The following DNAAF11 variants were observed in gnomAD, a reference collection of about 807,000 sequenced individuals.
DNAAF11 encodes the protein dynein axonemal assembly factor 11.
In DNAAF11, 45 loss-of-function variants were observed where a neutral mutation model predicts 60.8. The ratio of observed to expected loss-of-function variants is 0.74; its 90% CI spans 0.58 to 0.95. The LOEUF (loss-of-function observed/expected upper bound fraction) is 0.95, where lower values mean the gene tolerates loss of function less well. Among genes scored for constraint, DNAAF11 ranks in the 40% least tolerant of loss-of-function variants. The probability of loss-of-function intolerance (pLI) is 0.00; values close to 1 mark genes in which losing one functional copy is unlikely to be tolerated. For missense variants in DNAAF11, 546 were observed against 546.2 expected, an observed-to-expected ratio of 1.00 and a Z score of 0.00; for synonymous variants, 191 against 183.5, an observed-to-expected ratio of 1.04 and a Z score of -0.33.
intron 10 of DNAAF11, among the ~76,000 whole-genome samples, chr8:132,585,189 T>C (rs958015572): frequency 6.6e-6 from 1 of 152,196 alleles, no homozygotes; most frequent in African/African-American, 2.4e-5. Context: ...TCGGGGAGGT[T>C]TGGGCTCTGA....
chr8:132,654,947 T>C (rs758208306), intron 3 of DNAAF11, among the ~76,000 whole-genome samples: 15 of 151,434 alleles, frequency 9.9e-5, no homozygotes, highest in Non-Finnish European at 1.5e-4. Flanking sequence ...TATAAAACAA[T>C]AGACAAAATC....
intron 1 of DNAAF11, among the ~76,000 whole-genome samples, chr8:132,674,052 CAGG>C (rs1178524524): frequency 2.0e-5 from 2 of 99,244 alleles, no homozygotes; most frequent in Non-Finnish European, 4.2e-5. Flanking sequence ...GCAGAAGGAG[CAGG>C]AGGAGGAGGA....
intron 3 of DNAAF11, among the ~76,000 whole-genome samples, chr8:132,651,446 A>G (rs1193335566): frequency 6.6e-6 from 1 of 152,160 alleles, no homozygotes; most frequent in Non-Finnish European, 1.5e-5. Context: ...GCCAGCAGAT[A>G]GGATGCATTC....
chr8:132,628,577 A>G (rs945973901), intron 5 of DNAAF11, among the ~76,000 whole-genome samples: 3 of 152,058 alleles, frequency 2.0e-5, no homozygotes, highest in Non-Finnish European at 4.4e-5. Flanking sequence ...GTAGATGTTC[A>G]TCTCCCTTTC....
chr8:132,622,642 C>G lies in DNAAF11; in HGVS notation c.883G>C (p.Asp295His). 3 of 1,613,836 alleles carry G rather than the reference C, an allele frequency of 1.9e-6. No individual in the cohort carries two copies. The highest frequency in any genetic ancestry group is 2.5e-6 in the Non-Finnish European group (3 of 1,179,840). The change falls in exon 7 of 12, where the codon GAT (aspartate) becomes CAT (histidine). Residue 295 changes from aspartate to histidine, a missense_variant. Coordinates refer to ENST00000620350, the MANE Select transcript of DNAAF11 (RefSeq NM_012472.6). The part of the protein sequence containing the change: ...VKPPRTLITE[D>H]GKALNVNEPK... ...TCATTCACATTTAGGGCTTTCCCAT[C>G]TTCAGTGATCAAAGTCCTGGGTGGT... is the stretch of plus-strand genomic sequence containing the variant.
intron 1 of DNAAF11, among the ~76,000 whole-genome samples, chr8:132,671,797 T>C (rs1825211624): frequency 1.3e-5 from 2 of 151,674 alleles, no homozygotes; most frequent in African/African-American, 4.8e-5. Context: ...CTGGTACTAC[T>C]GGATTTCCAT....
chr8:132,575,982 A>G (rs973575450), intron 11 of DNAAF11, among the ~76,000 whole-genome samples: 1 of 152,216 alleles, frequency 6.6e-6, no homozygotes, highest in Non-Finnish European at 1.5e-5. Flanking sequence ...TGCCGGTGCC[A>G]CGACTCTTGG....
chr8:132,585,970 G>A (rs924125768), intron 10 of DNAAF11, among the ~76,000 whole-genome samples: 8 of 152,024 alleles, frequency 5.3e-5, no homozygotes, highest in Admixed American at 4.6e-4. Flanking sequence ...TGATATCCTG[G>A]CCTTCCCTTA....
At chr8:132,634,431 T>C (rs1586644917) in intron 4 of DNAAF11, among the ~76,000 whole-genome samples, 1 of 152,276 alleles carries the variant, frequency 6.6e-6, no homozygotes, top group East Asian at 1.9e-4. Flanking sequence ...GGCTGTTTCT[T>C]GTAGTATCCT....
intron 4 of DNAAF11, among the ~76,000 whole-genome samples, chr8:132,633,761 C>CA (rs1353641258): frequency 6.6e-6 from 1 of 151,962 alleles, no homozygotes; most frequent in Non-Finnish European, 1.5e-5. Context: ...ACATGAGTGT[C>CA]AGAGTTAGGG....
chr8:132,688,392 G>C, the DNAAF11 span, among the ~76,000 whole-genome samples: 10 of 152,194 alleles, frequency 6.6e-5, no homozygotes, highest in African/African-American at 9.6e-5. Context: ...TCACGAAGGA[G>C]CTTTCCCTCT....
intron 4 of DNAAF11, among the ~76,000 whole-genome samples, chr8:132,634,627 T>C (rs1188587503): frequency 1.3e-5 from 2 of 151,372 alleles, no homozygotes; most frequent in African/African-American, 4.8e-5. Flanking sequence ...ATTTTGTAAG[T>C]ATATATAAGT....
intron 1 of DNAAF11, among the ~76,000 whole-genome samples, chr8:132,661,880 T>C (rs571898708): frequency 7.2e-5 from 11 of 152,190 alleles, no homozygotes; most frequent in Non-Finnish European, 1.2e-4. Flanking sequence ...AGGGTCTACA[T>C]ACATTTTGCT....
intron 11 of DNAAF11, among the ~76,000 whole-genome samples, chr8:132,581,929 A>C (rs538915299): frequency 2.0e-5 from 3 of 152,290 alleles, no homozygotes; most frequent in South Asian, 4.1e-4. Context: ...GTGTTATGGG[A>C]CCACAAGAGG....
At chr8:132,589,756 C>A (rs1816269119) in intron 10 of DNAAF11, among the ~76,000 whole-genome samples, 1 of 152,174 alleles carries the variant, frequency 6.6e-6, no homozygotes, top group Non-Finnish European at 1.5e-5. Context: ...TGCCTACAGA[C>A]CACCATTTCT....
At chr8:132,653,171 C>T (rs1344721170) in intron 3 of DNAAF11, among the ~76,000 whole-genome samples, 1 of 151,800 alleles carries the variant, frequency 6.6e-6, no homozygotes, top group Non-Finnish European at 1.5e-5. Context: ...ATTTAAAAAA[C>T]ACAAAAGAAA....
the DNAAF11 span, among the ~76,000 whole-genome samples, chr8:132,693,484 AC>A: frequency 6.6e-6 from 1 of 151,806 alleles, no homozygotes; most frequent in African/African-American, 2.4e-5. Context: ...TGTGTATATT[AC>A]ATAGTTATAC....
rs1160460984 is a variant in DNAAF11, at chr8:132,593,328, C to CATATATAT, written c.1141-9550_1141-9549insATATATAT. On this transcript the variant is annotated intron_variant, in intron 10 of 11. Coordinates refer to ENST00000620350, the MANE Select transcript of DNAAF11 (RefSeq NM_012472.6). ...AATAATAAACTTCAAAGAATATATA[C>CATATATAT]ATACATATATATATATATATATATA... Among the ~76,000 whole-genome samples, 229 of 67,498 alleles carry CATATATAT rather than the reference C, an allele frequency of 3.4e-3. 3 individuals are homozygous for CATATATAT. The highest frequency in any genetic ancestry group is 0.015 in the African/African-American group (213 of 13,904). The allele number at this position is 67,498 out of a possible 152,430, so 44.3% of individuals were successfully genotyped here.
rs1825695538 is a variant in DNAAF11 at position 132,675,384 on chromosome 8, C to A, written c.10+100G>T. 6.6e-6 allele frequency: 9 copies of A among 1,357,190 alleles called. No individual in the cohort carries two copies. In the South Asian group the frequency reaches 7.1e-5, roughly 11 times the overall value. 84.1% of individuals were successfully genotyped at this position (1,357,190 alleles called of 1,614,324 possible). ...TAGGGTCCGCCCAGGCGCGGGGGAA[C>A]CGACAGCGCAGGGCGGGAGCGGGCG... On this transcript the variant is annotated intron_variant, in intron 1 of 11. Coordinates refer to ENST00000620350, the MANE Select transcript of DNAAF11 (RefSeq NM_012472.6).
Sources: gnomAD v4.1 joint callset for allele counts (sites outside exome capture counted in the v4.1 genomes callset) on GRCh38, gnomAD v4.1.1 for gene constraint, MANE v1.5 for transcripts, NCBI Gene and HGNC (gene_info 2026-07-23, HGNC 2026-07-21) for gene names.